RAE1: variants seen among roughly 807,000 people sequenced by gnomAD.
The protein encoded by RAE1 is ribonucleic acid export 1, also known as mRNA export factor RAE1.
Under a neutral mutation model 52.7 loss-of-function variants are expected in RAE1, and 13 were observed. The ratio of observed to expected loss-of-function variants is 0.25; its 90% CI spans 0.16 to 0.39. The LOEUF is 0.39. RAE1 is among the 10% of genes least tolerant of loss of function. RAE1 has a pLI of 1.00. For missense variants in RAE1, 262 were observed against 459.8 expected, an observed-to-expected ratio of 0.57 and a Z score of 3.93; for synonymous variants, 164 against 153.1, an observed-to-expected ratio of 1.07 and a Z score of -0.52.
chr20:57,375,244 C>G (rs1330307011), intron 11 of RAE1: 2 of 550,442 alleles, frequency 3.6e-6, no homozygotes, highest in Non-Finnish European at 6.4e-6. Context: ...TGTGTAGACT[C>G]GGGTACTCTG....
At chr20:57,364,811 A>G (rs1274041006) in intron 4 of RAE1, among the ~76,000 whole-genome samples, 1 of 152,172 alleles carries the variant, frequency 6.6e-6, no homozygotes. Flanking sequence ...AGGACCAATG[A>G]CTGTTGTAAA....
rs541481302 is a variant in RAE1 at position 57,378,880 on chromosome 20, T to C, written c.*781T>C. The C allele has an allele frequency of 3.3e-5, 5 of 152,290 alleles. No individual in the cohort carries two copies. The highest frequency in any genetic ancestry group is 1.2e-4 in the African/African-American group (5 of 41,570). 9.4% of individuals were successfully genotyped at this position (152,290 alleles called of 1,614,324 possible). A position where few individuals can be genotyped will look rare whatever the true frequency, so the allele number is the denominator to read the frequency against. On this transcript the variant is annotated 3_prime_UTR_variant, in exon 12 of 12. Transcript: ENST00000395841. ...CCTGCATGGGAATTGCCCTGAACTC[T>C]TACCCACCCCGGTCCCCTGCATGGG...
intron 8 of RAE1, chr20:57,371,049 C>G (rs915526974): frequency 1.3e-5 from 2 of 152,244 alleles, no homozygotes; most frequent in Non-Finnish European, 2.9e-5. Context: ...CCCCTCTACC[C>G]TGAAATTATT....
At chr20:57,362,994 T>C (rs546546213) in intron 4 of RAE1, among the ~76,000 whole-genome samples, 5 of 152,298 alleles carry the variant, frequency 3.3e-5, no homozygotes, top group Middle Eastern at 3.4e-3. Flanking sequence ...TTGCCGAGAC[T>C]GATCACAAAC....
rs181789568 is a variant in RAE1 at position 57,368,885 on chromosome 20, T to C, written c.642+73T>C. On this transcript the variant is annotated intron_variant, in intron 8 of 11. Coordinates refer to ENST00000395841, the MANE Select transcript of RAE1 (RefSeq NM_003610.4). Reference sequence around the variant, plus strand: ...TGCAAGATTGTGCTCACATCTGGAATACAGTTGTACTTTGTAAAACCTGTA... The same window carrying C: ...TGCAAGATTGTGCTCACATCTGGAACACAGTTGTACTTTGTAAAACCTGTA... The C allele has an allele frequency of 1.1e-4, 133 of 1,239,980 alleles. No homozygotes were observed. The Admixed American group carries it at 2.5e-3, about 24-fold the overall frequency. 76.8% of individuals were successfully genotyped at this position (1,239,980 alleles called of 1,614,324 possible).
At chr20:57,371,053 A>G (rs2067029109) in intron 8 of RAE1, 1 of 152,134 alleles carries the variant, frequency 6.6e-6, no homozygotes. Flanking sequence ...TCTACCCTGA[A>G]ATTATTTGGG....
chr20:57,365,150 C>A (rs1017426893), intron 4 of RAE1, among the ~76,000 whole-genome samples: 1 of 152,070 alleles, frequency 6.6e-6, no homozygotes, highest in African/African-American at 2.4e-5. Context: ...TATATGTTCT[C>A]GCTTAGAAAA....
chr20:57,366,788 GTTTTT>G lies in RAE1; in HGVS notation c.376-18_376-14del. 6.3e-7 allele frequency: 1 copy of G among 1,586,482 alleles called. No individual in the cohort carries two copies. The highest frequency in any genetic ancestry group is 8.7e-7 in the Non-Finnish European group (1 of 1,155,060). On this transcript the variant is annotated splice_polypyrimidine_tract_variant and intron_variant, in intron 5 of 11. Coordinates refer to ENST00000395841, the MANE Select transcript of RAE1 (RefSeq NM_003610.4). ...TCTTACATTTACCTTGATCTGTTTT[GTTTTT>G]GTCTTGTTGAAAGCATGATGCTCCT... is the stretch of plus-strand genomic sequence containing the variant.
At chr20:57,370,682 A>G (rs1395943148) in intron 8 of RAE1, among the ~76,000 whole-genome samples, 2 of 152,212 alleles carry the variant, frequency 1.3e-5, no homozygotes, top group Non-Finnish European at 2.9e-5. Context: ...CTCCCTTGCT[A>G]CTGCCACCAG....
At chr20:57,375,508 C>T (rs1055511265) in intron 11 of RAE1, among the ~76,000 whole-genome samples, 1 of 152,126 alleles carries the variant, frequency 6.6e-6, no homozygotes, top group African/African-American at 2.4e-5. Context: ...CTCATGTCTG[C>T]CTGCGCTGAC....
intron 1 of RAE1, among the ~76,000 whole-genome samples, chr20:57,353,262 A>G (rs771451270): frequency 1.3e-5 from 2 of 152,214 alleles, no homozygotes; most frequent in Non-Finnish European, 2.9e-5. Context: ...CATTTTCTAC[A>G]TAATCTGATT....
In RAE1 at chr20:57,373,752, C is replaced by T; in HGVS notation, c.825+14C>T. On this transcript the variant is annotated intron_variant, in intron 10 of 11. Transcript: ENST00000395841. ...GACATTTATGCGGTACGTTTTTAGACACTTTAACCGTGGTAATACATCTGG... is the reference window on the plus strand; with the variant it reads ...GACATTTATGCGGTACGTTTTTAGATACTTTAACCGTGGTAATACATCTGG... 6.2e-7 allele frequency: 1 copy of T among 1,608,210 alleles called. No individual in the cohort carries two copies. The highest frequency in any genetic ancestry group is 8.5e-7 in the Non-Finnish European group (1 of 1,174,674).
intron 2 of RAE1, 42 bp downstream of exon 2, chr20:57,354,170 G>T (rs1049065697): frequency 1.3e-6 from 2 of 1,562,888 alleles, no homozygotes; most frequent in Admixed American, 3.4e-5. Context: ...AAGAGTTTGG[G>T]CAGAGTTTCT....
rs925727204 is a variant in RAE1 at position 57,353,894 on chromosome 20, A to G, written c.-7-138A>G. On this transcript the variant is annotated intron_variant, in intron 1 of 11. Coordinates refer to ENST00000395841, the MANE Select transcript of RAE1 (RefSeq NM_003610.4). Reference sequence around the variant, plus strand: ...TTTATGTTTTGAAAGCACTCTGCTCATTGCGCTCTTGTCTGAAAAGTGAAG... The same window carrying G: ...TTTATGTTTTGAAAGCACTCTGCTCGTTGCGCTCTTGTCTGAAAAGTGAAG... 38 of 680,770 alleles carry G rather than the reference A, an allele frequency of 5.6e-5. No individual in the cohort carries two copies. The African/African-American group carries it at 5.9e-4, about 11-fold the overall frequency. 42.2% of individuals were successfully genotyped at this position (680,770 alleles called of 1,614,324 possible).
chr20:57,373,371 G>C lies in RAE1; in HGVS notation c.643-104G>C, dbSNP rs2067064383. ...TATCATATTTGAGTGATTTTTTCTGGTTCTTCTAAAACCTAAACATGGGGT... is the reference window on the plus strand; with the variant it reads ...TATCATATTTGAGTGATTTTTTCTGCTTCTTCTAAAACCTAAACATGGGGT... On this transcript the variant is annotated intron_variant, in intron 8 of 11. Transcript: ENST00000395841. 2.7e-6 allele frequency: 3 copies of C among 1,103,692 alleles called. No individual in the cohort carries two copies. In the East Asian group the frequency reaches 7.2e-5, roughly 26 times the overall value. The allele number at this position is 1,103,692 out of a possible 1,614,324, so 68.4% of individuals were successfully genotyped here.
chr20:57,367,127 A>G (rs768491594), intron 7 of RAE1, 48 bp downstream of exon 7: 39 of 1,450,676 alleles, frequency 2.7e-5, no homozygotes, highest in Admixed American at 1.9e-4. Context: ...AAAAAACAAA[A>G]TAAGTATTCT....
intron 5 of RAE1, among the ~76,000 whole-genome samples, chr20:57,365,850 C>T (rs1285957646): frequency 2.0e-5 from 3 of 152,194 alleles, no homozygotes; most frequent in South Asian, 2.1e-4. Context: ...AATAGAGCAG[C>T]GAGTAAGAGG....
At chr20:57,351,800 C>G in intron 1 of RAE1, 1 of 985,480 alleles carries the variant, frequency 1.0e-6, no homozygotes, top group South Asian at 4.7e-5. Context: ...CCACGTCAAC[C>G]TGCTCCATTT....
At chr20:57,361,341 C>T (rs1487342232) in intron 4 of RAE1, among the ~76,000 whole-genome samples, 1 of 151,990 alleles carries the variant, frequency 6.6e-6, no homozygotes, top group Non-Finnish European at 1.5e-5. Flanking sequence ...TAGGAGGAGC[C>T]TTAAGATTTT....
Sources: gnomAD v4.1 joint callset for allele counts (sites outside exome capture counted in the v4.1 genomes callset) on GRCh38, gnomAD v4.1.1 for gene constraint, MANE v1.5 for transcripts, NCBI Gene and HGNC (gene_info 2026-07-23, HGNC 2026-07-21) for gene names.